The following SNAP29 variants were observed in gnomAD, a reference collection of about 807,000 sequenced individuals.
SNAP29 encodes the protein synaptosome associated protein 29, also known as synaptosomal-associated protein 29.
Under a neutral mutation model 27.9 loss-of-function variants are expected in SNAP29, and 13 were observed. The ratio of observed to expected loss-of-function variants is 0.47; its 90% CI spans 0.30 to 0.74. SNAP29 has a LOEUF of 0.74. Ranked by LOEUF, SNAP29 falls within the 30% of genes least tolerant of loss-of-function variation. The pLI, the probability that SNAP29 is intolerant of heterozygous loss-of-function variation, is 0.06. For synonymous variants in SNAP29, 119 were observed against 127.1 expected (o/e 0.94, Z 0.43); for missense variants, 368 against 336.5 (o/e 1.09, Z -0.73).
In SNAP29 at chr22:20,890,469, A is replaced by G. The variant is rs1929122616; in HGVS notation, c.*2633A>G. ...ATGTTAAGTGTGCTACTAACTTAAA[A>G]AATAGTGGCTGGGCGCGGTGGCTCA... is the stretch of plus-strand genomic sequence containing the variant. On this transcript the variant is annotated 3_prime_UTR_variant, in exon 5 of 5. Transcript: ENST00000215730. 7.6e-6 allele frequency: 3 copies of G among 397,148 alleles called. No homozygotes were observed. Among genetic ancestry groups the G allele is most frequent in the Non-Finnish European group, 1.3e-5 (3 of 225,312 alleles). 24.6% of individuals were successfully genotyped at this position (397,148 alleles called of 1,614,324 possible).
chr22:20,870,711 A>G (rs1928571413), intron 2 of SNAP29, 178 bp downstream of exon 2: 1 of 675,912 alleles, frequency 1.5e-6, no homozygotes, highest in African/African-American at 1.8e-5. Flanking sequence ...CCCTGATCCC[A>G]TGTTCACTTG....
chr22:20,868,015 GCTT>G (rs953248523), intron 1 of SNAP29, among the ~76,000 whole-genome samples: 2 of 152,156 alleles, frequency 1.3e-5, no homozygotes, highest in Non-Finnish European at 2.9e-5. Flanking sequence ...CTACTGGAAA[GCTT>G]CTTCTGCAGC....
chr22:20,884,006 A>G (rs1457935771), intron 4 of SNAP29, among the ~76,000 whole-genome samples: 1 of 152,180 alleles, frequency 6.6e-6, no homozygotes, highest in Non-Finnish European at 1.5e-5. Context: ...CACTTTGGCC[A>G]CACAGCCTCC....
Position 20,891,074 on chromosome 22 carries a change from C to T in SNAP29, c.*3238C>T, listed in dbSNP as rs1382702765. ...CAAAAAATAAAAAATAGTGCACTGT[C>T]CTTCGAGAAAGTTTTCTAACATCTA... is the stretch of plus-strand genomic sequence containing the variant. On this transcript the variant is annotated 3_prime_UTR_variant, in exon 5 of 5. Transcript: ENST00000215730. 1 of 151,998 alleles carries T rather than the reference C, an allele frequency of 6.6e-6. No individual in the cohort carries two copies. Among genetic ancestry groups the T allele is most frequent in the African/African-American group, 2.4e-5 (1 of 41,380 alleles). The allele number at this position is 151,998 out of a possible 1,614,324, so 9.4% of individuals were successfully genotyped here.
At chr22:20,875,603 G>A (rs867606749) in intron 2 of SNAP29, among the ~76,000 whole-genome samples, 26 of 152,194 alleles carry the variant, frequency 1.7e-4, no homozygotes, top group African/African-American at 3.1e-4. Flanking sequence ...GTTGGTGCAG[G>A]CACATGGCAG....
intron 2 of SNAP29, among the ~76,000 whole-genome samples, chr22:20,873,940 C>T (rs1601649557): frequency 8.8e-6 from 1 of 113,444 alleles, no homozygotes; most frequent in Non-Finnish European, 1.7e-5. Context: ...GCACCTCAGC[C>T]TGGGTAACAG....
intron 1 of SNAP29, among the ~76,000 whole-genome samples, chr22:20,861,737 C>T (rs540097438): frequency 1.3e-5 from 2 of 151,906 alleles, no homozygotes; most frequent in South Asian, 4.2e-4. Flanking sequence ...CCAGGTCAAG[C>T]GATTCTCCTG....
At position 20,890,529 on chromosome 22, in the gene SNAP29, G is replaced by T. The variant is rs942483754; in HGVS notation, c.*2693G>T. 8 of 377,332 alleles carry T rather than the reference G, an allele frequency of 2.1e-5. No individual in the cohort carries two copies. Among genetic ancestry groups the T allele is most frequent in the Non-Finnish European group, 2.8e-5 (6 of 213,412 alleles). The allele number at this position is 377,332 out of a possible 1,614,324, so 23.4% of individuals were successfully genotyped here. A position where few individuals can be genotyped will look rare whatever the true frequency, so the allele number is the denominator to read the frequency against. On this transcript the variant is annotated 3_prime_UTR_variant, in exon 5 of 5. Coordinates refer to ENST00000215730, the MANE Select transcript of SNAP29 (RefSeq NM_004782.4). Reference sequence around the variant, plus strand: ...TCCCAGTGCTTTGGGAGGCCAAGGCGGGGGGATCACGAGGTCAGGAGATCG... The same window carrying T: ...TCCCAGTGCTTTGGGAGGCCAAGGCTGGGGGATCACGAGGTCAGGAGATCG...
chr22:20,874,366 C>G (rs914557867), intron 2 of SNAP29, among the ~76,000 whole-genome samples: 12 of 122,258 alleles, frequency 9.8e-5, no homozygotes, highest in African/African-American at 3.8e-4. Context: ...CACACACACA[C>G]ACACACACAC....
intron 1 of SNAP29, among the ~76,000 whole-genome samples, chr22:20,862,594 T>G (rs1024769431): frequency 6.6e-6 from 1 of 152,080 alleles, no homozygotes; most frequent in South Asian, 2.1e-4. Context: ...TGATATAGAT[T>G]GTGATGACAT....
chr22:20,862,812 A>G (rs534685888), intron 1 of SNAP29, among the ~76,000 whole-genome samples: 9 of 152,308 alleles, frequency 5.9e-5, no homozygotes, highest in African/African-American at 2.2e-4. Flanking sequence ...AATTATGAGA[A>G]GCCCTGGGAG....
At chr22:20,872,051 T>A (rs895744249) in intron 2 of SNAP29, among the ~76,000 whole-genome samples, 1 of 152,156 alleles carries the variant, frequency 6.6e-6, no homozygotes, top group Non-Finnish European at 1.5e-5. Context: ...ATACTTTACC[T>A]ACCGCAACAC....
At chr22:20,887,125 T>A (rs562404442) in intron 4 of SNAP29, among the ~76,000 whole-genome samples, 12 of 151,478 alleles carry the variant, frequency 7.9e-5, no homozygotes, top group African/African-American at 2.9e-4. Context: ...CTCAGGAGGC[T>A]GAGGCAGAAG....
chr22:20,876,411 C>T (rs1249525343), intron 2 of SNAP29, among the ~76,000 whole-genome samples: 3 of 151,510 alleles, frequency 2.0e-5, no homozygotes, highest in African/African-American at 7.3e-5. Context: ...GCATGGGCCA[C>T]CATGCACTGC....
intron 1 of SNAP29, among the ~76,000 whole-genome samples, chr22:20,864,282 C>T (rs181669579): frequency 1.5e-4 from 23 of 152,210 alleles, no homozygotes; most frequent in East Asian, 7.7e-4. Flanking sequence ...AGAGTTCAAA[C>T]GTGATGCACT....
At position 20,869,953 on chromosome 22, in the gene SNAP29, TAG is replaced by T. The variant is rs1280595161; in HGVS notation, c.238-379_238-378del. 4.6e-5 allele frequency among the ~76,000 whole-genome samples: 7 copies of T among 152,096 alleles called. No homozygotes were observed. The East Asian group carries it at 1.2e-3, about 25-fold the overall frequency. ...ACCTGGCTACTTTTTGTATTTTTAG[TAG>T]AGAGGGGGTTTCACCATGTTGGCCA... On this transcript the variant is annotated intron_variant, in intron 1 of 4. Transcript: ENST00000215730.
chr22:20,871,901 A>T (rs907965724), intron 2 of SNAP29, among the ~76,000 whole-genome samples: 9 of 151,880 alleles, frequency 5.9e-5, no homozygotes, highest in Non-Finnish European at 1.3e-4. Flanking sequence ...AAAATTCATG[A>T]GATTTTGGTA....
At chr22:20,884,168 A>T (rs1026842684) in intron 4 of SNAP29, among the ~76,000 whole-genome samples, 17 of 152,042 alleles carry the variant, frequency 1.1e-4, no homozygotes, top group African/African-American at 4.1e-4. Flanking sequence ...CCCTGTCTCT[A>T]CTAAAAATAC....
chr22:20,868,954 C>T (rs1928522848), intron 1 of SNAP29, among the ~76,000 whole-genome samples: 1 of 152,204 alleles, frequency 6.6e-6, no homozygotes, highest in Admixed American at 6.5e-5. Context: ...TGCAGAGACT[C>T]AGCAGTGAAC....
Sources: allele counts gnomAD v4.1 joint callset (sites outside exome capture counted in the v4.1 genomes callset), GRCh38; gene constraint gnomAD v4.1.1; transcripts MANE v1.5; gene names NCBI Gene and HGNC (gene_info 2026-07-23, HGNC 2026-07-21).